Variants in SGIP1 observed in about 807,000 individuals in gnomAD.
SGIP1 encodes the protein SH3-containing GRB2-like protein 3-interacting protein 1.
SGIP1 carries 38 observed loss-of-function variants against 107.5 expected under a neutral mutation model. The ratio of observed to expected loss-of-function variants is 0.35; its 90% CI spans 0.27 to 0.46. SGIP1 has a LOEUF of 0.46. SGIP1 is among the 20% of genes least tolerant of loss of function. The pLI is 1.00. For missense variants in SGIP1, 929 were observed against 1,019.5 expected (o/e 0.91, Z 1.21); for synonymous variants, 365 against 366.1 (o/e 1.00, Z 0.03).
intron 1 of SGIP1, among the ~76,000 whole-genome samples, chr1:66,606,788 A>T (rs2066933555): frequency 6.6e-6 from 1 of 152,216 alleles, no homozygotes; most frequent in Non-Finnish European, 1.5e-5. Context: ...GAGTTCCTAC[A>T]GAGTGAGGGA....
chr1:66,557,439 T>C (rs946050798), intron 1 of SGIP1, among the ~76,000 whole-genome samples: 2 of 152,138 alleles, frequency 1.3e-5, no homozygotes, highest in African/African-American at 2.4e-5. Flanking sequence ...TTGGAAGGTC[T>C]AAAGTAAACT....
intron 1 of SGIP1, among the ~76,000 whole-genome samples, chr1:66,599,860 G>A (rs1249426250): frequency 3.9e-5 from 6 of 152,132 alleles, no homozygotes; most frequent in Admixed American, 6.5e-5. Flanking sequence ...CAGGGAATTG[G>A]ACACTTGGGA....
chr1:66,536,264 G>A (rs1438955998), intron 1 of SGIP1, among the ~76,000 whole-genome samples: 1 of 151,880 alleles, frequency 6.6e-6, no homozygotes, highest in African/African-American at 2.4e-5. Flanking sequence ...ATTATACTAT[G>A]GATACAGTTG....
At chr1:66,570,756 C>T (rs554350991) in intron 1 of SGIP1, among the ~76,000 whole-genome samples, 41 of 151,966 alleles carry the variant, frequency 2.7e-4, no homozygotes, top group African/African-American at 9.4e-4. Flanking sequence ...ACTTGCTCAC[C>T]CACCATGATT....
chr1:66,555,845 C>T (rs2058096653), intron 1 of SGIP1, among the ~76,000 whole-genome samples: 1 of 152,066 alleles, frequency 6.6e-6, no homozygotes, highest in African/African-American at 2.4e-5. Flanking sequence ...ATTAAACTTA[C>T]AACAGTATGA....
chr1:66,683,386 A>ATATTCAG (rs2087264254), intron 15 of SGIP1, among the ~76,000 whole-genome samples: 1 of 152,170 alleles, frequency 6.6e-6, no homozygotes, highest in East Asian at 1.9e-4. Context: ...AGAAATTCTA[A>ATATTCAG]TATTCAGTCA....
chr1:66,727,285 C>A (rs2093799744), intron 19 of SGIP1, among the ~76,000 whole-genome samples: 1 of 152,142 alleles, frequency 6.6e-6, no homozygotes, highest in Admixed American at 6.5e-5. Context: ...TAACTGATGA[C>A]AAGCACATAA....
At chr1:66,609,576 A>T (rs571741436) in intron 1 of SGIP1, among the ~76,000 whole-genome samples, 2 of 152,320 alleles carry the variant, frequency 1.3e-5, no homozygotes, top group East Asian at 3.9e-4. Flanking sequence ...TGTTCTGGTG[A>T]CTTCATAACA....
In SGIP1 at chr1:66,746,173, T is replaced by C. The variant is rs2094550246; in HGVS notation, c.*3078T>C. 1 of 152,218 alleles carries C rather than the reference T, an allele frequency of 6.6e-6. No homozygotes were observed. Among genetic ancestry groups the C allele is most frequent in the African/African-American group, 2.4e-5 (1 of 41,476 alleles). 9.4% of individuals were successfully genotyped at this position (152,218 alleles called of 1,614,324 possible). On this transcript the variant is annotated 3_prime_UTR_variant, in exon 25 of 25. Transcript: ENST00000371037. ...CTTCTTTTAGAAAAGCAGATAACTA[T>C]AATACCTTGGCTCTGCCACTGACTC...
chr1:66,677,160 T>C lies in SGIP1; in HGVS notation c.739+64T>C. 4 of 1,294,902 alleles carry C rather than the reference T, an allele frequency of 3.1e-6. No homozygotes were observed. In the South Asian group the frequency reaches 4.9e-5, roughly 16 times the overall value. The allele number at this position is 1,294,902 out of a possible 1,614,324, so 80.2% of individuals were successfully genotyped here. A position where few individuals can be genotyped will look rare whatever the true frequency, so the allele number is the denominator to read the frequency against. On this transcript the variant is annotated intron_variant, in intron 13 of 24. Coordinates refer to ENST00000371037, the MANE Select transcript of SGIP1 (RefSeq NM_032291.4). Reference sequence around the variant, plus strand: ...CTCATTTTAGTGTCTGTCTGCATAGTGAAATTAGGCAACTCTTAAAAAGTC... The same window carrying C: ...CTCATTTTAGTGTCTGTCTGCATAGCGAAATTAGGCAACTCTTAAAAAGTC...
chr1:66,683,990 T>C, intron 15 of SGIP1: 1 of 1,448,974 alleles, frequency 6.9e-7, no homozygotes, highest in Non-Finnish European at 9.2e-7. Flanking sequence ...GTGCTGGGAT[T>C]ATAGGCTTGA....
At chr1:66,555,340 G>C (rs2058031171) in intron 1 of SGIP1, among the ~76,000 whole-genome samples, 1 of 152,030 alleles carries the variant, frequency 6.6e-6, no homozygotes, top group Non-Finnish European at 1.5e-5. Context: ...TATATTTTCT[G>C]TTCTCCCACA....
chr1:66,706,887 A>G (rs1399406973), intron 18 of SGIP1, among the ~76,000 whole-genome samples: 2 of 152,160 alleles, frequency 1.3e-5, no homozygotes, highest in Non-Finnish European at 2.9e-5. Flanking sequence ...CAAAGTATTT[A>G]CAAATAGCTC....
intron 19 of SGIP1, among the ~76,000 whole-genome samples, chr1:66,721,609 A>T (rs1208248832): frequency 5.9e-5 from 9 of 151,906 alleles, no homozygotes; most frequent in Non-Finnish European, 1.2e-4. Context: ...GGGTTTTTTC[A>T]TATTGCCCAG....
chr1:66,549,137 G>GCCTGCCTGCCTT (rs1051893057), intron 1 of SGIP1, among the ~76,000 whole-genome samples: 1 of 144,424 alleles, frequency 6.9e-6, no homozygotes, highest in African/African-American at 2.6e-5. Flanking sequence ...CTGGCTACCT[G>GCCTGCCTGCCTT]CCTTCCTTCC....
At chr1:66,583,845 A>ACAT in intron 1 of SGIP1, among the ~76,000 whole-genome samples, 1 of 152,174 alleles carries the variant, frequency 6.6e-6, no homozygotes, top group East Asian at 1.9e-4. Context: ...AGTAGTCAAC[A>ACAT]CATAATACCT....
rs1303013799 is a variant in SGIP1, at chr1:66,751,009, G to T, written c.*7914G>T. 2.0e-5 allele frequency among the ~76,000 whole-genome samples: 3 copies of T among 152,090 alleles called. No homozygotes were observed. The highest frequency in any genetic ancestry group is 4.4e-5 in the Non-Finnish European group (3 of 68,016). On this transcript the variant is annotated 3_prime_UTR_variant, in exon 25 of 25. Coordinates refer to ENST00000371037, the MANE Select transcript of SGIP1 (RefSeq NM_032291.4). ...TCCTGAATATGCAATTATTTATTAT[G>T]ACACGTTACTGCAACTAGGGCTCCC...
At position 66,598,190 on chromosome 1, in the gene SGIP1, A is replaced by C. The variant is rs138746984; in HGVS notation, c.11-27657A>C. 4.1e-3 allele frequency among the ~76,000 whole-genome samples: 629 copies of C among 152,302 alleles called. 4 individuals carry two copies. The highest frequency in any genetic ancestry group is 0.014 in the African/African-American group (599 of 41,562). ...GTCTTTTAGTCCAAAAGCAAGAGAA[A>C]TGGGTGATTTTAATTTATTTTCTTT... On this transcript the variant is annotated intron_variant, in intron 1 of 24. Coordinates refer to ENST00000371037, the MANE Select transcript of SGIP1 (RefSeq NM_032291.4).
At chr1:66,641,463 C>A (rs1034859199) in intron 5 of SGIP1, among the ~76,000 whole-genome samples, 1 of 152,038 alleles carries the variant, frequency 6.6e-6, no homozygotes, top group Non-Finnish European at 1.5e-5. Flanking sequence ...GACCTATAAC[C>A]TCAACTTCAA....
Sources: allele counts gnomAD v4.1 joint callset (sites outside exome capture counted in the v4.1 genomes callset), GRCh38; gene constraint gnomAD v4.1.1; transcripts MANE v1.5; gene names NCBI Gene and HGNC (gene_info 2026-07-23, HGNC 2026-07-21).